The following DPP10 variants were observed in gnomAD, a reference collection of about 807,000 sequenced individuals.
DPP10 encodes the protein inactive dipeptidyl peptidase 10.
A neutral mutation model predicts 120.9 loss-of-function variants in DPP10; 33 were observed. The ratio of observed to expected loss-of-function variants is 0.27; its 90% CI spans 0.21 to 0.37. The LOEUF (loss-of-function observed/expected upper bound fraction) is 0.37, where lower values mean the gene tolerates loss of function less well. Among genes scored for constraint, DPP10 ranks in the 10% least tolerant of loss-of-function variants. The probability of loss-of-function intolerance (pLI) is 1.00; values close to 1 mark genes in which losing one functional copy is unlikely to be tolerated. For synonymous variants in DPP10, 337 were observed against 326.1 expected (o/e 1.03, Z -0.36); for missense variants, 816 against 942.8 (o/e 0.87, Z 1.76).
intron 1 of DPP10, among the ~76,000 whole-genome samples, chr2:114,790,090 T>G (rs192712536): frequency 4.3e-4 from 66 of 152,236 alleles, no homozygotes; most frequent in African/African-American, 1.4e-3. Flanking sequence ...TGCTAATAAG[T>G]GTGAGGTATG....
At chr2:114,811,398 C>T (rs1011062249) in intron 1 of DPP10, among the ~76,000 whole-genome samples, 2 of 152,048 alleles carry the variant, frequency 1.3e-5, no homozygotes, top group African/African-American at 4.8e-5. Flanking sequence ...TTGCTCCATA[C>T]CTTCTTTGCC....
At chr2:114,501,688 G>A (rs550604347) in intron 1 of DPP10, among the ~76,000 whole-genome samples, 17 of 152,046 alleles carry the variant, frequency 1.1e-4, no homozygotes, top group Middle Eastern at 6.8e-3. Context: ...TTACATCTTG[G>A]GGCACAATCA....
intron 1 of DPP10, among the ~76,000 whole-genome samples, chr2:114,547,884 C>T (rs922477098): frequency 3.9e-5 from 6 of 152,318 alleles, no homozygotes; most frequent in African/African-American, 1.4e-4. Context: ...TACTGCCACA[C>T]TTTGACCCAG....
intron 1 of DPP10, among the ~76,000 whole-genome samples, chr2:114,726,234 TAAAAA>T (rs66544851): frequency 8.8e-6 from 1 of 113,884 alleles, no homozygotes; most frequent in African/African-American, 3.3e-5. Context: ...AGACTACGTC[TAAAAA>T]AAAAAAAAAA....
chr2:114,663,404 A>G (rs1011278522), intron 1 of DPP10, among the ~76,000 whole-genome samples: 1 of 150,502 alleles, frequency 6.6e-6, no homozygotes, highest in Admixed American at 6.6e-5. Flanking sequence ...TATTTGAAAT[A>G]CTTGCTTTCT....
intron 1 of DPP10, among the ~76,000 whole-genome samples, chr2:114,778,792 T>A (rs1023551820): frequency 3.3e-5 from 5 of 152,056 alleles, no homozygotes; most frequent in African/African-American, 9.7e-5. Flanking sequence ...TATGCTCTGA[T>A]GGAAGATAAA....
intron 1 of DPP10, among the ~76,000 whole-genome samples, chr2:114,771,468 G>A (rs1681242099): frequency 6.6e-6 from 1 of 152,214 alleles, no homozygotes; most frequent in Non-Finnish European, 1.5e-5. Context: ...ACCTGAGGGA[G>A]TCCATCCTTG....
chr2:114,536,413 T>TC (rs1248113166), intron 1 of DPP10, among the ~76,000 whole-genome samples: 5 of 148,380 alleles, frequency 3.4e-5, no homozygotes, highest in South Asian at 2.2e-4. Context: ...TTTTTCTTTT[T>TC]TTTTTTTTTT....
chr2:114,552,734 T>C (rs978436413), intron 1 of DPP10, among the ~76,000 whole-genome samples: 2 of 152,010 alleles, frequency 1.3e-5, no homozygotes, highest in African/African-American at 2.4e-5. Flanking sequence ...TTAGTAGAGA[T>C]GGGGTTTCAC....
chr2:114,701,728 A>G (rs1700394338), intron 1 of DPP10, among the ~76,000 whole-genome samples: 1 of 152,062 alleles, frequency 6.6e-6, no homozygotes, highest in Non-Finnish European at 1.5e-5. Context: ...GTTGATGGGA[A>G]TGGGGGGTGG....
At chr2:114,858,872 G>A (rs534886960) in intron 1 of DPP10, among the ~76,000 whole-genome samples, 5 of 152,064 alleles carry the variant, frequency 3.3e-5, no homozygotes, top group Non-Finnish European at 7.3e-5. Flanking sequence ...AAGGAAATTG[G>A]GCAGCTAATG....
chr2:115,309,445 T>C, intron 2 of DPP10, 92 bp downstream of exon 2: 1 of 1,222,806 alleles, frequency 8.2e-7, no homozygotes, highest in Non-Finnish European at 1.2e-6. Context: ...ATATGTGGTA[T>C]CTTAGGGCAC....
chr2:114,527,473 A>C (rs1235494293), intron 1 of DPP10, among the ~76,000 whole-genome samples: 1 of 152,060 alleles, frequency 6.6e-6, no homozygotes, highest in East Asian at 1.9e-4. Context: ...TGATGTATTA[A>C]TTATGATCTG....
At chr2:114,896,983 A>G (rs1177153481) in intron 1 of DPP10, among the ~76,000 whole-genome samples, 1 of 152,196 alleles carries the variant, frequency 6.6e-6, no homozygotes, top group East Asian at 1.9e-4. Context: ...TTCTGCATCT[A>G]TTGAGATAAT....
At chr2:114,761,586 A>ACAG (rs1332193157) in intron 1 of DPP10, among the ~76,000 whole-genome samples, 1 of 152,194 alleles carries the variant, frequency 6.6e-6, no homozygotes, top group African/African-American at 2.4e-5. Flanking sequence ...CCCTTTGTGC[A>ACAG]CAGCATCCTT....
chr2:115,401,317 T>A (rs567439147), intron 3 of DPP10, among the ~76,000 whole-genome samples: 102 of 152,184 alleles, frequency 6.7e-4, no homozygotes, highest in Non-Finnish European at 1.3e-3. Context: ...GCCAGGCTCA[T>A]TCCTATAATC....
intron 1 of DPP10, among the ~76,000 whole-genome samples, chr2:115,183,939 C>G (rs1262106826): frequency 6.6e-6 from 1 of 152,112 alleles, no homozygotes. Context: ...ATGGAAAGAA[C>G]GCTAGTTGCA....
intron 1 of DPP10, among the ~76,000 whole-genome samples, chr2:115,171,286 AGGAG>A (rs1256016301): frequency 2.0e-5 from 3 of 150,692 alleles, no homozygotes; most frequent in Non-Finnish European, 4.4e-5. Flanking sequence ...GCTTGAACCC[AGGAG>A]GCAGAGGTTG....
chr2:114,447,832 CA>C (rs1197195848), intron 1 of DPP10, among the ~76,000 whole-genome samples: 1 of 152,062 alleles, frequency 6.6e-6, no homozygotes, highest in African/African-American at 2.4e-5. Flanking sequence ...AAAAAACTTA[CA>C]AAAATTAGAA....
Sources: allele counts gnomAD v4.1 joint callset (sites outside exome capture counted in the v4.1 genomes callset), GRCh38; gene constraint gnomAD v4.1.1; transcripts MANE v1.5; gene names NCBI Gene and HGNC (gene_info 2026-07-23, HGNC 2026-07-21).